The following PAN2 variants were observed in gnomAD, a reference collection of about 807,000 sequenced individuals.
PAN2 encodes the protein PAN2-PAN3 deadenylation complex catalytic subunit PAN2.
A neutral mutation model predicts 133.3 loss-of-function variants in PAN2; 68 were observed. That is an observed-to-expected ratio of 0.51 (90% CI 0.42 to 0.62). The LOEUF (loss-of-function observed/expected upper bound fraction) is 0.62, where lower values mean the gene tolerates loss of function less well. Among genes scored for constraint, PAN2 ranks in the 20% least tolerant of loss-of-function variants. The pLI is 0.00. For missense variants in PAN2, 1,042 were observed against 1,500.5 expected (o/e 0.69, Z 5.05); for synonymous variants, 462 against 544.6 (o/e 0.85, Z 2.11).
intron 24 of PAN2, 124 bp downstream of exon 24, chr12:56,318,960 GAGTT>G: frequency 3.8e-6 from 3 of 797,132 alleles, no homozygotes; most frequent in East Asian, 2.6e-5. Context: ...TTCTGTTTCT[GAGTT>G]AGTTCACTTA....
intron 2 of PAN2, among the ~76,000 whole-genome samples, chr12:56,331,077 G>C (rs1158127356): frequency 6.6e-6 from 1 of 152,184 alleles, no homozygotes; most frequent in Non-Finnish European, 1.5e-5. Flanking sequence ...TGGGATTACA[G>C]GTGTGAGTCA....
rs1437783916 is a variant in PAN2, at chr12:56,332,945, G to A, written c.150C>T (p.Pro50=). The change falls in exon 2 of 26, where the codon CCC becomes CCT. Residue 50 remains proline (P), a synonymous_variant. Coordinates refer to ENST00000440411, the MANE Select transcript of PAN2 (RefSeq NM_014871.6). The part of the protein sequence containing the change: ...DPEGVALEAL[P]VQESVHIMEG... ...CCATTATGTGCACTGATTCCTGGAC[G>A]GGAAGAGCCTCCAAGGCCACTCCCT... 1.9e-6 allele frequency: 3 copies of A among 1,614,152 alleles called. No individual in the cohort carries two copies. Among genetic ancestry groups the A allele is most frequent in the South Asian group, 1.1e-5 (1 of 91,080 alleles).
rs1372715591 is a variant in PAN2, at chr12:56,324,687, A to G, written c.1622T>C (p.Val541Ala). Residue 541 changes from valine (V) to alanine (A), a missense_variant, in exon 11 of 26, where the codon GTA becomes GCA. By Grantham distance (64) the Val-to-Ala change is moderately conservative. Transcript: ENST00000440411. ...MIQVLYFLEP[V>A]RCLIQNHLCQ... ...AAGGTGGTTTTGAATTAGACAGCGT[A>G]CAGGCTCCAGGAAATAGAGCACCTG... The G allele has an allele frequency of 1.2e-6, 2 of 1,613,928 alleles. No individual in the cohort carries two copies. Among genetic ancestry groups the G allele is most frequent in the Non-Finnish European group, 1.7e-6 (2 of 1,179,996 alleles).
chr12:56,331,709 T>TG (rs11171804), intron 2 of PAN2, among the ~76,000 whole-genome samples: 3,346 of 132,564 alleles, frequency 0.025, 69 homozygotes, highest in Middle Eastern at 0.06. Context: ...CGTTTTTTTT[T>TG]TTTTTGTTTT....
Position 56,318,262 on chromosome 12 carries a change from C to T in PAN2, c.3537G>A (p.Glu1179=), listed in dbSNP as rs761409150. 1.2e-5 allele frequency: 20 copies of T among 1,614,006 alleles called. No homozygotes were observed. The East Asian group carries it at 4.5e-4, about 36-fold the overall frequency. ...KGRKMDWKVP[E]PEGQTSPKNA... ...TCTTGGGACTTGTTTGGCCCTCAGGCTCAGGCACCTTCCAGTCCATCTTTC... is the reference window on the plus strand; with the variant it reads ...TCTTGGGACTTGTTTGGCCCTCAGGTTCAGGCACCTTCCAGTCCATCTTTC... Residue 1179 remains glutamate (E), a synonymous_variant, in exon 25 of 26, where the codon GAG becomes GAA. Coordinates refer to ENST00000440411, the MANE Select transcript of PAN2 (RefSeq NM_014871.6).
At chr12:56,330,353 CTTTTTTTTTTTTT>C (rs10525866) in intron 2 of PAN2, among the ~76,000 whole-genome samples, 3 of 92,622 alleles carry the variant, frequency 3.2e-5, no homozygotes, top group African/African-American at 8.5e-5. Context: ...CTGTATTTTT[CTTTTTTTTTTTTT>C]TTTTTTTTTT....
At chr12:56,332,619 AGGGATGCCTCCTGAG>A in intron 2 of PAN2, 179 bp downstream of exon 2, 3 of 542,700 alleles carry the variant, frequency 5.5e-6, no homozygotes, top group South Asian at 4.9e-5. Flanking sequence ...AAAAAAAAAA[AGGGATGCCTCCTGAG>A]AAAGAATATG....
At chr12:56,332,095 GA>G (rs1280872603) in intron 2 of PAN2, among the ~76,000 whole-genome samples, 2 of 152,140 alleles carry the variant, frequency 1.3e-5, no homozygotes, top group African/African-American at 4.8e-5. Context: ...AATTAAGATT[GA>G]TAACTGCTCT....
chr12:56,319,201 G>A lies in PAN2; in HGVS notation c.3271-20C>T. On this transcript the variant is annotated intron_variant, in intron 23 of 25. Coordinates refer to ENST00000440411, the MANE Select transcript of PAN2 (RefSeq NM_014871.6). This position sits in a 1 kb window ranked among gnomAD's most constrained non-coding sequence, Gnocchi z 5.4. ...GGGCACCTGGCAAGGATAAAAGAGG[G>A]GGAGACTTAAGGTAGGGGACCTATA... is the stretch of plus-strand genomic sequence containing the variant. 1 of 1,613,984 alleles carries A rather than the reference G, an allele frequency of 6.2e-7. No individual in the cohort carries two copies. Among genetic ancestry groups the A allele is most frequent in the African/African-American group, 1.3e-5 (1 of 74,982 alleles).
chr12:56,329,372 G>T (rs1348672342), intron 2 of PAN2, among the ~76,000 whole-genome samples: 1 of 151,668 alleles, frequency 6.6e-6, no homozygotes, highest in African/African-American at 2.4e-5. Context: ...TTTCACTCTT[G>T]TTGCCCAGGC....
intron 15 of PAN2, 29 bp downstream of exon 15, chr12:56,323,471 G>A (rs1424703207): frequency 6.2e-7 from 1 of 1,610,550 alleles, no homozygotes; most frequent in Non-Finnish European, 8.5e-7. Context: ...AATTATTCCG[G>A]AAGCCTTGTT....
Position 56,328,622 on chromosome 12 carries a change from A to G in PAN2, c.302T>C (p.Phe101Ser). 1 of 1,614,178 alleles carries G rather than the reference A, an allele frequency of 6.2e-7. No homozygotes were observed. Among genetic ancestry groups the G allele is most frequent in the Non-Finnish European group, 8.5e-7 (1 of 1,180,012 alleles). ...TGAGTAGCGCTCCAAGGCTGGGCCA[A>G]AAAATGAAGTGGCATGGCCCTATAG... Reference protein sequence around the residue: ...GSHGGHATSFFGPALERYSSF... With the variant: ...GSHGGHATSFSGPALERYSSF... Residue 101 changes from phenylalanine to serine, a missense_variant, in exon 3 of 26, where the codon TTT becomes TCT. Coordinates refer to ENST00000440411, the MANE Select transcript of PAN2 (RefSeq NM_014871.6).
chr12:56,327,904 A>G, intron 5 of PAN2, 91 bp downstream of exon 5: 1 of 1,575,454 alleles, frequency 6.3e-7, no homozygotes, highest in Non-Finnish European at 8.6e-7. Context: ...CTCCAATCCA[A>G]CTACACCCCA....
At position 56,318,238 on chromosome 12, in the gene PAN2, C is replaced by T. The variant is rs768283413; in HGVS notation, c.3561G>A (p.Lys1187=). 4.3e-6 allele frequency: 7 copies of T among 1,613,612 alleles called. No individual in the cohort carries two copies. The Admixed American group carries it at 1.0e-4, about 23-fold the overall frequency. The part of the protein sequence containing the change: ...VPEPEGQTSP[K]NAAVFSSVLA... ...CCCTTGTCCCATCCCAGGTCTTACTCTTGGGACTTGTTTGGCCCTCAGGCT... is the reference window on the plus strand; with the variant it reads ...CCCTTGTCCCATCCCAGGTCTTACTTTTGGGACTTGTTTGGCCCTCAGGCT... Residue 1187 remains lysine (K), a splice_region_variant and synonymous_variant, in exon 25 of 26, where the codon AAG becomes AAA. Coordinates refer to ENST00000440411, the MANE Select transcript of PAN2 (RefSeq NM_014871.6).
At position 56,332,954 on chromosome 12, in the gene PAN2, C is replaced by CTCCAA. The variant is rs1876083266; in HGVS notation, c.136_140dup (p.Glu47AspfsTer13). ...GCACTGATTCCTGGACGGGAAGAGC[C>CTCCAA]TCCAAGGCCACTCCCTCTGGGTCCA... On this transcript the variant is annotated frameshift_variant, in exon 2 of 26. Coordinates refer to ENST00000440411, the MANE Select transcript of PAN2 (RefSeq NM_014871.6). LOFTEE classifies it high-confidence loss of function. 6.2e-7 allele frequency: 1 copy of CTCCAA among 1,614,090 alleles called. No homozygotes were observed. Among genetic ancestry groups the CTCCAA allele is most frequent in the African/African-American group, 1.3e-5 (1 of 74,942 alleles).
At position 56,317,599 on chromosome 12, in the gene PAN2, G is replaced by C; in HGVS notation, c.*10C>G. The C allele has an allele frequency of 6.2e-7, 1 of 1,612,824 alleles. No homozygotes were observed. The highest frequency in any genetic ancestry group is 8.5e-7 in the Non-Finnish European group (1 of 1,178,930). On this transcript the variant is annotated 3_prime_UTR_variant, in exon 26 of 26. Coordinates refer to ENST00000440411, the MANE Select transcript of PAN2 (RefSeq NM_014871.6). ...AAAGGGAGAGGGCCGTGGTTCTTTG[G>C]GAAGGGTAGTCAGAGCGCCAGCACT...
rs1874884423 is a variant in PAN2, at chr12:56,324,317, C to A, written c.1905G>T (p.Gln635His). ...ACCTGCCTCCAGCACCTCGATAAGCCTGTGGTATTTCCAGCTCCTGCATAT... is the reference window on the plus strand; with the variant it reads ...ACCTGCCTCCAGCACCTCGATAAGCATGTGGTATTTCCAGCTCCTGCATAT... ...HQDMQELEIP[Q>H]AYRGAGGSSF... is the part of the protein sequence containing the mutation. Residue 635 changes from glutamine to histidine, a missense_variant, in exon 12 of 26, where the codon CAG becomes CAT. By Grantham distance (24) the Gln-to-His change is conservative. Transcript: ENST00000440411. 1 of 1,613,960 alleles carries A rather than the reference C, an allele frequency of 6.2e-7. No homozygotes were observed. Among genetic ancestry groups the A allele is most frequent in the Middle Eastern group, 1.6e-4 (1 of 6,062 alleles).
chr12:56,328,204 C>T (rs763452255), intron 4 of PAN2, 34 bp downstream of exon 4: 18 of 1,591,106 alleles, frequency 1.1e-5, no homozygotes, highest in Non-Finnish European at 1.4e-5. Context: ...CAACCTCAGA[C>T]CCCACATAGG....
intron 2 of PAN2, among the ~76,000 whole-genome samples, chr12:56,331,744 C>T (rs1167653888): frequency 2.7e-5 from 4 of 148,840 alleles, no homozygotes. Context: ...GACGGAGTCT[C>T]GCTCTGTCAC....
Sources: allele counts gnomAD v4.1 joint callset (sites outside exome capture counted in the v4.1 genomes callset), GRCh38; gene constraint gnomAD v4.1.1; non-coding constraint Gnocchi (gnomAD v3.1); transcripts MANE v1.5; gene names NCBI Gene and HGNC (gene_info 2026-07-23, HGNC 2026-07-21).